SMPD3: variants seen among roughly 807,000 people sequenced by gnomAD.
SMPD3 encodes nSMase-2.
In SMPD3, 21 loss-of-function variants were observed where a neutral mutation model predicts 55.7. That is an observed-to-expected ratio of 0.38 (90% CI 0.27 to 0.54). SMPD3 has a LOEUF of 0.54. Ranked by LOEUF, SMPD3 falls within the 20% of genes least tolerant of loss-of-function variation. The pLI, the probability that SMPD3 is intolerant of heterozygous loss-of-function variation, is 0.80. For synonymous variants in SMPD3, 457 were observed against 404.3 expected (o/e 1.13, Z -1.56); for missense variants, 842 against 899.6 (o/e 0.94, Z 0.82).
chr16:68,364,889 A>C lies in SMPD3; in HGVS notation c.1417T>G (p.Cys473Gly). 2 of 1,613,856 alleles carry C rather than the reference A, an allele frequency of 1.2e-6. No homozygotes were observed. Among genetic ancestry groups the C allele is most frequent in the Non-Finnish European group, 1.7e-6 (2 of 1,179,942 alleles). Reference sequence around the variant, plus strand: ...TCCTGAAGCAGGTCCAGCTGCCCACACCGGATGGCGCTGTCCTCTGCAGGG... The same window carrying C: ...TCCTGAAGCAGGTCCAGCTGCCCACCCCGGATGGCGCTGTCCTCTGCAGGG... ...HAPQEDSAIRCGQLDLLQDWL... is the reference protein window; with the variant it reads ...HAPQEDSAIRGGQLDLLQDWL... The change falls in exon 5 of 9, where the codon TGT (cysteine) becomes GGT (glycine). Residue 473 changes from cysteine (C) to glycine (G), a missense_variant. Around this residue, in one of 2 missense-constraint regions of SMPD3, gnomAD observed 649 missense variants for 643.6 expected, o/e 1.01. Transcript: ENST00000219334.
intron 1 of SMPD3, among the ~76,000 whole-genome samples, chr16:68,390,349 T>C (rs2090100254): frequency 6.6e-6 from 1 of 152,188 alleles, no homozygotes; most frequent in Non-Finnish European, 1.5e-5. Context: ...TGACCTCCTA[T>C]CTCATCCTGT....
intron 1 of SMPD3, among the ~76,000 whole-genome samples, chr16:68,424,935 C>T (rs1251915248): frequency 6.6e-6 from 1 of 152,244 alleles, no homozygotes; most frequent in Non-Finnish European, 1.5e-5. Flanking sequence ...TGGTCTTGAA[C>T]TCCTGGTCTC....
At chr16:68,397,023 G>A (rs1352153205) in intron 1 of SMPD3, among the ~76,000 whole-genome samples, 1 of 152,150 alleles carries the variant, frequency 6.6e-6, no homozygotes, top group Admixed American at 6.5e-5. Flanking sequence ...CCTGGGGAGG[G>A]TAGGTATTAT....
At chr16:68,439,752 G>A (rs1056843527) in intron 1 of SMPD3, among the ~76,000 whole-genome samples, 1 of 152,184 alleles carries the variant, frequency 6.6e-6, no homozygotes, top group South Asian at 2.1e-4. Flanking sequence ...GGAAAAAAAG[G>A]TGATGGTTGA....
At chr16:68,414,558 G>C (rs1278782772) in intron 1 of SMPD3, among the ~76,000 whole-genome samples, 2 of 152,220 alleles carry the variant, frequency 1.3e-5, no homozygotes, top group African/African-American at 4.8e-5. Flanking sequence ...GGGCCTGGGA[G>C]GCCTCTAAGC....
chr16:68,381,716 A>G (rs2151996500), intron 2 of SMPD3, among the ~76,000 whole-genome samples: 1 of 152,300 alleles, frequency 6.6e-6, no homozygotes, highest in African/African-American at 2.4e-5. Flanking sequence ...AGAGACATGG[A>G]GCAGGGCCCC....
At chr16:68,409,795 GTT>G in intron 1 of SMPD3, among the ~76,000 whole-genome samples, 2 of 152,142 alleles carry the variant, frequency 1.3e-5, no homozygotes, top group Non-Finnish European at 2.9e-5. Context: ...GGGTTTCACT[GTT>G]TTAGCCGGGA....
chr16:68,431,014 TG>T (rs1477445697), intron 1 of SMPD3, among the ~76,000 whole-genome samples: 1 of 151,898 alleles, frequency 6.6e-6, no homozygotes, highest in Non-Finnish European at 1.5e-5. Context: ...GTGCAGGGAG[TG>T]GGGACAGAAT....
At chr16:68,380,653 T>C (rs1355121927) in intron 2 of SMPD3, among the ~76,000 whole-genome samples, 2 of 152,216 alleles carry the variant, frequency 1.3e-5, no homozygotes, top group African/African-American at 4.8e-5. Flanking sequence ...CTTGCTTCTC[T>C]CAGGTTCTGC....
chr16:68,436,984 C>T (rs2090527395), intron 1 of SMPD3, among the ~76,000 whole-genome samples: 1 of 152,262 alleles, frequency 6.6e-6, no homozygotes, highest in South Asian at 2.1e-4. Flanking sequence ...AAGATCCCGA[C>T]TTGCCTCACC....
intron 1 of SMPD3, among the ~76,000 whole-genome samples, chr16:68,416,655 C>T (rs529612512): frequency 3.3e-5 from 5 of 152,304 alleles, no homozygotes; most frequent in African/African-American, 9.6e-5. Flanking sequence ...TGCTTTGTGG[C>T]GCTTTTATTT....
At chr16:68,403,324 A>G (rs1440506776) in intron 1 of SMPD3, among the ~76,000 whole-genome samples, 1 of 152,186 alleles carries the variant, frequency 6.6e-6, no homozygotes, top group African/African-American at 2.4e-5. Context: ...TGTTGTGTTC[A>G]CTGTTGGATC....
intron 1 of SMPD3, among the ~76,000 whole-genome samples, chr16:68,398,488 T>C (rs981858783): frequency 2.2e-4 from 34 of 152,284 alleles, no homozygotes; most frequent in African/African-American, 7.7e-4. Flanking sequence ...GTGGCCGAGC[T>C]GGAGTCTTCC....
At chr16:68,397,365 A>G (rs2090166579) in intron 1 of SMPD3, among the ~76,000 whole-genome samples, 1 of 152,122 alleles carries the variant, frequency 6.6e-6, no homozygotes, top group South Asian at 2.1e-4. Flanking sequence ...TGGATATCTG[A>G]ATGGTCAGAG....
rs564719123 is a variant in SMPD3 at position 68,390,953 on chromosome 16, G to A, written c.-268-4294C>T. ...TCCTAGATCTCCAAGTAACACTACA[G>A]GGTGGTGAGTGGTTGGTTCAACTTG... On this transcript the variant is annotated intron_variant, in intron 1 of 8. Transcript: ENST00000219334. Among the ~76,000 whole-genome samples the A allele has an allele frequency of 2.6e-5, 4 of 152,292 alleles. No individual in the cohort carries two copies. In the East Asian group the frequency reaches 7.7e-4, roughly 29 times the overall value.
intron 1 of SMPD3, among the ~76,000 whole-genome samples, chr16:68,409,076 C>T (rs137949463): frequency 2.6e-4 from 39 of 152,304 alleles, no homozygotes; most frequent in African/African-American, 8.4e-4. Flanking sequence ...CCCTCGCTGA[C>T]AATGCTGACC....
intron 1 of SMPD3, among the ~76,000 whole-genome samples, chr16:68,448,075 G>T (rs1364296366): frequency 2.0e-5 from 3 of 152,142 alleles, no homozygotes; most frequent in Non-Finnish European, 4.4e-5. Flanking sequence ...CGGGAGGGAG[G>T]GTCCAAGCCT....
At chr16:68,363,684 A>G in intron 6 of SMPD3, 93 bp downstream of exon 6, 4 of 1,456,994 alleles carry the variant, frequency 2.7e-6, no homozygotes, top group South Asian at 1.2e-5. Flanking sequence ...GCCCTTCCCC[A>G]GCAGTGGGGT....
intron 1 of SMPD3, among the ~76,000 whole-genome samples, chr16:68,393,648 C>T (rs990571156): frequency 2.0e-5 from 3 of 152,134 alleles, no homozygotes; most frequent in African/African-American, 7.2e-5. Flanking sequence ...AGAGTGTAGG[C>T]GGACTCTTGG....
Sources: gnomAD v4.1 joint callset for allele counts (sites outside exome capture counted in the v4.1 genomes callset) on GRCh38, gnomAD v4.1.1 for gene constraint, gnomAD v4.1.1 regional missense constraint, MANE v1.5 for transcripts, NCBI Gene and HGNC (gene_info 2026-07-23, HGNC 2026-07-21) for gene names.